ERCC8: variants seen among roughly 807,000 people sequenced by gnomAD.
ERCC8 encodes ERCC excision repair 8, CSA ubiquitin ligase complex subunit.
A neutral mutation model predicts 54.9 loss-of-function variants in ERCC8; 52 were observed. The ratio of observed to expected loss-of-function variants is 0.95; its 90% CI spans 0.76 to 1.19. The LOEUF is 1.19. Among genes scored for constraint, ERCC8 ranks in the 50% most tolerant of loss-of-function variants. ERCC8 has a pLI of 0.00. For missense variants in ERCC8, 514 were observed against 466.1 expected, an observed-to-expected ratio of 1.10 and a Z score of -0.95; for synonymous variants, 146 against 157.2, an observed-to-expected ratio of 0.93 and a Z score of 0.53.
In ERCC8 at chr5:60,903,642, A is replaced by G; in HGVS notation, c.550+6T>C. The G allele has an allele frequency of 6.2e-7, 1 of 1,612,586 alleles. No individual in the cohort carries two copies. Among genetic ancestry groups the G allele is most frequent in the Non-Finnish European group, 8.5e-7 (1 of 1,179,052 alleles). ...GTAGTTGCCGTTTGAAATAAAATAAAAATACCCTGTAGAATGTGAGAACAG... is the reference window on the plus strand; with the variant it reads ...GTAGTTGCCGTTTGAAATAAAATAAGAATACCCTGTAGAATGTGAGAACAG... On this transcript the variant is annotated splice_donor_region_variant and intron_variant, in intron 6 of 11. Coordinates refer to ENST00000676185, the MANE Select transcript of ERCC8 (RefSeq NM_000082.4).
intron 2 of ERCC8, among the ~76,000 whole-genome samples, chr5:60,926,605 T>C (rs967164346): frequency 6.6e-6 from 1 of 152,236 alleles, no homozygotes; most frequent in Non-Finnish European, 1.5e-5. Context: ...ATTAGCTTTA[T>C]TACATTTTGT....
rs868339717 is a variant in ERCC8, at chr5:60,873,473, G to T, written c.*1142C>A. Among the ~76,000 whole-genome samples, 1 of 152,000 alleles carries T rather than the reference G, an allele frequency of 6.6e-6. No homozygotes were observed. The highest frequency in any genetic ancestry group is 1.5e-5 in the Non-Finnish European group (1 of 67,968). Reference sequence around the variant, plus strand: ...GTGGATCATTTGAGGTCAGCAGTTCGCAACCAGCCTGGCCAACATGGTGAA... The same window carrying T: ...GTGGATCATTTGAGGTCAGCAGTTCTCAACCAGCCTGGCCAACATGGTGAA... On this transcript the variant is annotated 3_prime_UTR_variant, in exon 12 of 12. Transcript: ENST00000676185.
At chr5:60,919,985 C>T (rs1580026103) in intron 3 of ERCC8, among the ~76,000 whole-genome samples, 1 of 152,024 alleles carries the variant, frequency 6.6e-6, no homozygotes, top group African/African-American at 2.4e-5. Context: ...AGAGGAAATG[C>T]CCTTTGTTTT....
At position 60,867,889 on chromosome 5, in the gene ERCC8, G is replaced by C. The variant is rs1747786166; in HGVS notation, c.*6726C>G. On this transcript the variant is annotated 3_prime_UTR_variant, in exon 12 of 12. Coordinates refer to ENST00000676185, the MANE Select transcript of ERCC8 (RefSeq NM_000082.4). Reference sequence around the variant, plus strand: ...AGCCAATAAATTGTTGCCTTAAAGAGCTGACTACAGGCTGGCCGCGGTGGC... The same window carrying C: ...AGCCAATAAATTGTTGCCTTAAAGACCTGACTACAGGCTGGCCGCGGTGGC... Among the ~76,000 whole-genome samples the C allele has an allele frequency of 6.6e-6, 1 of 152,182 alleles. No individual in the cohort carries two copies. The highest frequency in any genetic ancestry group is 2.1e-4 in the South Asian group (1 of 4,838).
chr5:60,893,222 T>G (rs556833451), intron 9 of ERCC8: 2 of 979,398 alleles, frequency 2.0e-6, no homozygotes, highest in African/African-American at 3.2e-5. Flanking sequence ...CCTCACGGAC[T>G]CCTTGTAATA....
chr5:60,895,892 T>C (rs75006130), intron 9 of ERCC8, among the ~76,000 whole-genome samples: 1,662 of 152,378 alleles, frequency 0.011, 13 homozygotes, highest in Middle Eastern at 0.024. Flanking sequence ...GAATGAGGTA[T>C]GAATATTGAA....
rs1441829756 is a variant in ERCC8, at chr5:60,869,713, T to C, written c.*4902A>G. On this transcript the variant is annotated 3_prime_UTR_variant, in exon 12 of 12. Coordinates refer to ENST00000676185, the MANE Select transcript of ERCC8 (RefSeq NM_000082.4). ...GATTTTTTAGGCTTCTGGTTAAAAA[T>C]AGATTTATGGCTATGTTAATAAAAT... is the stretch of plus-strand genomic sequence containing the variant. Among the ~76,000 whole-genome samples the C allele has an allele frequency of 2.6e-5, 4 of 152,314 alleles. No homozygotes were observed. The highest frequency in any genetic ancestry group is 2.9e-5 in the Non-Finnish European group (2 of 68,006).
At chr5:60,895,664 T>C (rs1748703854) in intron 9 of ERCC8, among the ~76,000 whole-genome samples, 1 of 152,222 alleles carries the variant, frequency 6.6e-6, no homozygotes, top group Non-Finnish European at 1.5e-5. Context: ...CTTCTGATCC[T>C]ACATGTGCAA....
rs1019314222 is a variant in ERCC8 at position 60,869,339 on chromosome 5, C to A, written c.*5276G>T. On this transcript the variant is annotated 3_prime_UTR_variant, in exon 12 of 12. Transcript: ENST00000676185. Reference sequence around the variant, plus strand: ...TTGAAAAATAATTGAGATTAGTTTGCTGATGCAATATTTTTCTACCACTGT... The same window carrying A: ...TTGAAAAATAATTGAGATTAGTTTGATGATGCAATATTTTTCTACCACTGT... 1.3e-5 allele frequency among the ~76,000 whole-genome samples: 2 copies of A among 152,082 alleles called. No individual in the cohort carries two copies. The highest frequency in any genetic ancestry group is 2.9e-5 in the Non-Finnish European group (2 of 68,016).
intron 11 of ERCC8, among the ~76,000 whole-genome samples, chr5:60,876,179 T>G (rs569565109): frequency 2.4e-4 from 37 of 152,302 alleles, no homozygotes; most frequent in African/African-American, 8.7e-4. Context: ...GGTTTCCAGC[T>G]TCATCCATGT....
intron 3 of ERCC8, among the ~76,000 whole-genome samples, chr5:60,919,043 T>C (rs1749523655): frequency 6.6e-6 from 1 of 152,018 alleles, no homozygotes; most frequent in Non-Finnish European, 1.5e-5. Context: ...GTTACCTAAC[T>C]GGATCTTGAT....
chr5:60,927,566 C>G (rs577379612), intron 2 of ERCC8, among the ~76,000 whole-genome samples: 1 of 152,310 alleles, frequency 6.6e-6, no homozygotes, highest in African/African-American at 2.4e-5. Context: ...ATATTTCTCA[C>G]CAACTCTGCC....
At chr5:60,892,104 T>G in intron 9 of ERCC8, 1 of 525,510 alleles carries the variant, frequency 1.9e-6, no homozygotes, top group Admixed American at 2.0e-5. Context: ...TCTGCAGTAC[T>G]GGGCAGCAGT....
chr5:60,870,159 T>C lies in ERCC8; in HGVS notation c.*4456A>G, dbSNP rs1747830985. 6.6e-6 allele frequency among the ~76,000 whole-genome samples: 1 copy of C among 151,908 alleles called. No individual in the cohort carries two copies. Among genetic ancestry groups the C allele is most frequent in the African/African-American group, 2.4e-5 (1 of 41,334 alleles). On this transcript the variant is annotated 3_prime_UTR_variant, in exon 12 of 12. Transcript: ENST00000676185. ...GGGAATAAAACAATAATCAAAAGTC[T>C]CCCCTAATTATCACAGTCAGGCCTG...
At chr5:60,888,860 T>C (rs1748470496) in intron 10 of ERCC8, among the ~76,000 whole-genome samples, 1 of 152,202 alleles carries the variant, frequency 6.6e-6, no homozygotes, top group Non-Finnish European at 1.5e-5. Context: ...CAAAATCATA[T>C]TATTACCACC....
intron 1 of ERCC8, among the ~76,000 whole-genome samples, chr5:60,941,358 T>C (rs1750252359): frequency 6.6e-6 from 1 of 152,088 alleles, no homozygotes; most frequent in South Asian, 2.1e-4. Flanking sequence ...ATAGATCCAT[T>C]AAAATTATAC....
chr5:60,885,998 T>G (rs1011814980), intron 11 of ERCC8, among the ~76,000 whole-genome samples: 1 of 152,140 alleles, frequency 6.6e-6, no homozygotes, highest in Non-Finnish European at 1.5e-5. Flanking sequence ...TTGGTTAAGA[T>G]TACCTTAAGG....
intron 11 of ERCC8, among the ~76,000 whole-genome samples, chr5:60,877,587 T>C (rs1474501620): frequency 1.3e-5 from 2 of 151,986 alleles, no homozygotes; most frequent in Admixed American, 1.3e-4. Context: ...AAGAGGTCCT[T>C]CACATCCCTT....
chr5:60,899,650 T>A lies in ERCC8; in HGVS notation c.695A>T (p.Lys232Ile), dbSNP rs2112487841. 1 of 1,611,518 alleles carries A rather than the reference T, an allele frequency of 6.2e-7. No homozygotes were observed. Among genetic ancestry groups the A allele is most frequent in the East Asian group, 2.2e-5 (1 of 44,768 alleles). The part of the protein sequence containing the change: ...CLITLDQHNG[K>I]KSQAVESANT... The stretch of plus-strand genomic sequence containing the variant: ...ACCTGATTCAACAGCTTGTGACTTT[T>A]TCCCATTATGTTGATCAAGAGTAAT... Residue 232 changes from lysine to isoleucine, a missense_variant, in exon 8 of 12, where the codon AAA becomes ATA. Coordinates refer to ENST00000676185, the MANE Select transcript of ERCC8 (RefSeq NM_000082.4).
Sources: allele counts gnomAD v4.1 joint callset (sites outside exome capture counted in the v4.1 genomes callset), GRCh38; gene constraint gnomAD v4.1.1; transcripts MANE v1.5; gene names NCBI Gene and HGNC (gene_info 2026-07-23, HGNC 2026-07-21).